SUGCT: variants seen among roughly 807,000 people sequenced by gnomAD.
The protein encoded by SUGCT is succinyl-CoA:glutarate CoA-transferase.
A neutral mutation model predicts 55.0 loss-of-function variants in SUGCT; 41 were observed. The observed-to-expected ratio is 0.74, with a 90% confidence interval of 0.58 to 0.97. The LOEUF (loss-of-function observed/expected upper bound fraction) is 0.97, where lower values mean the gene tolerates loss of function less well. Among genes scored for constraint, SUGCT ranks in the 50% least tolerant of loss-of-function variants. The pLI is 0.00. For missense variants in SUGCT, 568 were observed against 547.8 expected (o/e 1.04, Z -0.37); for synonymous variants, 187 against 200.4 (o/e 0.93, Z 0.56).
chr7:40,682,246 T>C (rs1445072381), intron 12 of SUGCT, among the ~76,000 whole-genome samples: 2 of 152,146 alleles, frequency 1.3e-5, no homozygotes, highest in African/African-American at 2.4e-5. Flanking sequence ...CTTCTCCCAT[T>C]CCCCACCCTA....
intron 7 of SUGCT, among the ~76,000 whole-genome samples, chr7:40,239,621 G>C (rs1188225850): frequency 6.6e-6 from 1 of 152,180 alleles, no homozygotes; most frequent in African/African-American, 2.4e-5. Context: ...GGGGATTACT[G>C]TAGTTCCTTT....
intron 12 of SUGCT, among the ~76,000 whole-genome samples, chr7:40,533,361 C>A (rs1327536856): frequency 6.6e-6 from 1 of 151,872 alleles, no homozygotes; most frequent in Non-Finnish European, 1.5e-5. Context: ...AATAGTGTAT[C>A]TAATCAATCT....
At chr7:40,508,634 AT>A (rs1451545092) in intron 12 of SUGCT, among the ~76,000 whole-genome samples, 1 of 152,066 alleles carries the variant, frequency 6.6e-6, no homozygotes, top group Admixed American at 6.5e-5. Context: ...TCTTACTAAG[AT>A]TTAGTTGATT....
chr7:40,543,844 A>G (rs1001762403), intron 12 of SUGCT, among the ~76,000 whole-genome samples: 2 of 152,206 alleles, frequency 1.3e-5, no homozygotes, highest in Admixed American at 1.3e-4. Flanking sequence ...ATGTGCCTAT[A>G]TATTTAGTTG....
intron 13 of SUGCT, among the ~76,000 whole-genome samples, chr7:40,827,867 G>A (rs568864736): frequency 1.4e-4 from 21 of 152,212 alleles, no homozygotes; most frequent in Non-Finnish European, 2.2e-4. Flanking sequence ...AGAGGCCAGC[G>A]TGTCTCTTGG....
At chr7:41,022,863 T>C in the SUGCT span, among the ~76,000 whole-genome samples, 4 of 152,218 alleles carry the variant, frequency 2.6e-5, no homozygotes, top group East Asian at 7.7e-4. Flanking sequence ...TTAATATCAG[T>C]ATTTGTCATA....
At chr7:40,613,614 ATT>A (rs34035338) in intron 12 of SUGCT, among the ~76,000 whole-genome samples, 6 of 144,850 alleles carry the variant, frequency 4.1e-5, no homozygotes, top group South Asian at 2.2e-4. Flanking sequence ...CCTGCACCCA[ATT>A]TTTTTTTTTT....
intron 12 of SUGCT, among the ~76,000 whole-genome samples, chr7:40,565,993 G>GCACACACACACA (rs376444246): frequency 2.4e-5 from 3 of 123,946 alleles, no homozygotes; most frequent in African/African-American, 1.2e-4. Flanking sequence ...ACACACACAC[G>GCACACACACACA]CACACACACA....
At chr7:40,290,671 A>C (rs570862658) in intron 8 of SUGCT, among the ~76,000 whole-genome samples, 6 of 152,176 alleles carry the variant, frequency 3.9e-5, no homozygotes, top group African/African-American at 1.2e-4. Context: ...TAATTAAACT[A>C]AAGAGCTTCT....
the SUGCT span, among the ~76,000 whole-genome samples, chr7:41,026,671 G>A: frequency 0.47 from 70,978 of 152,052 alleles, 17,043 homozygotes; most frequent in African/African-American, 0.58. Context: ...AGTCTTGTAC[G>A]GTCTTTATCC....
intron 13 of SUGCT, among the ~76,000 whole-genome samples, chr7:40,852,371 AT>A (rs1363804321): frequency 6.6e-6 from 1 of 152,152 alleles, no homozygotes; most frequent in African/African-American, 2.4e-5. Flanking sequence ...ATCATCTCTT[AT>A]GATCTACCCA....
intron 12 of SUGCT, among the ~76,000 whole-genome samples, chr7:40,519,669 C>T (rs1478910524): frequency 2.0e-5 from 3 of 151,884 alleles, no homozygotes; most frequent in Non-Finnish European, 4.4e-5. Flanking sequence ...GTATAATAAA[C>T]ATTTTAATGG....
intron 1 of SUGCT, among the ~76,000 whole-genome samples, chr7:40,146,374 C>G (rs1024444674): frequency 6.6e-6 from 1 of 152,162 alleles, no homozygotes; most frequent in Non-Finnish European, 1.5e-5. Flanking sequence ...GACCCTAACC[C>G]AGTGTCGCTA....
intron 1 of SUGCT, among the ~76,000 whole-genome samples, chr7:40,172,195 C>T (rs1055666969): frequency 1.3e-5 from 2 of 152,080 alleles, no homozygotes; most frequent in Admixed American, 1.3e-4. Flanking sequence ...GTTCTAAGGC[C>T]CTGGCCAAGG....
the SUGCT span, among the ~76,000 whole-genome samples, chr7:40,886,383 C>T: frequency 6.6e-6 from 1 of 152,076 alleles, no homozygotes; most frequent in African/African-American, 2.4e-5. Context: ...TCCAAGAAGA[C>T]AACACTAAGC....
At chr7:40,871,369 G>C in the SUGCT span, among the ~76,000 whole-genome samples, 1 of 152,142 alleles carries the variant, frequency 6.6e-6, no homozygotes. Context: ...TGGAGAGAGA[G>C]GGGGGCCATT....
At chr7:40,534,013 C>T (rs979175511) in intron 12 of SUGCT, among the ~76,000 whole-genome samples, 37 of 152,200 alleles carry the variant, frequency 2.4e-4, no homozygotes, top group African/African-American at 8.4e-4. Context: ...AAAGTATATA[C>T]TTAAATTTTG....
At position 40,832,459 on chromosome 7, in the gene SUGCT, A is replaced by T. The variant is rs552448499; in HGVS notation, c.1154-27857A>T. 3.3e-5 allele frequency among the ~76,000 whole-genome samples: 5 copies of T among 152,000 alleles called. No homozygotes were observed. The East Asian group carries it at 9.7e-4, about 29-fold the overall frequency. On this transcript the variant is annotated intron_variant, in intron 13 of 13. Coordinates refer to ENST00000335693, the MANE Select transcript of SUGCT (RefSeq NM_001193313.2). ...TGTTCTCCCAAACTTTATATTTTTT[A>T]GTGTTCTGCACCAAACAGTTAAGAG...
chr7:40,910,956 T>G, the SUGCT span, among the ~76,000 whole-genome samples: 3 of 152,206 alleles, frequency 2.0e-5, no homozygotes, highest in African/African-American at 7.2e-5. Context: ...CAATGGATTG[T>G]GTTTTCAGGA....
Sources: gnomAD v4.1 joint callset for allele counts (sites outside exome capture counted in the v4.1 genomes callset) on GRCh38, gnomAD v4.1.1 for gene constraint, MANE v1.5 for transcripts, NCBI Gene and HGNC (gene_info 2026-07-23, HGNC 2026-07-21) for gene names.